KLF8: variants seen among roughly 807,000 people sequenced by gnomAD.
KLF8 encodes Krueppel-like factor 8.
KLF8 carries 10 observed loss-of-function variants against 18.2 expected under a neutral mutation model. The observed-to-expected ratio is 0.55, with a 90% CI of 0.34 to 0.93. KLF8 has a LOEUF of 0.93. KLF8 is among the 40% of genes least tolerant of loss of function. The pLI is 0.02. For synonymous variants in KLF8, 109 were observed against 97.3 expected (o/e 1.12, Z -0.71); for missense variants, 264 against 277.9 (o/e 0.95, Z 0.36).
At chrX:55,911,656 G>A in the KLF8 span, among the ~76,000 whole-genome samples, 1 of 111,742 alleles carries the variant, frequency 8.9e-6, no homozygotes, top group Non-Finnish European at 1.9e-5. Context: ...GAAGGGAATT[G>A]AGAGAAAGAA....
chrX:55,975,222 TGGAGCAG>T, the KLF8 span, among the ~76,000 whole-genome samples: 1 of 110,972 alleles, frequency 9.0e-6, no homozygotes, highest in East Asian at 2.8e-4. Flanking sequence ...GACAAAAGTT[TGGAGCAG>T]GGATAGTGTT....
At position 56,287,071 on chromosome X, in the gene KLF8, T is replaced by C. The variant is rs1334722615; in HGVS notation, c.*2577T>C. 8.9e-6 allele frequency: 1 copy of C among 112,061 alleles called. No homozygotes were observed. The highest frequency in any genetic ancestry group is 3.2e-5 in the African/African-American group (1 of 30,825). The allele number at this position is 112,061 out of a possible 1,213,427, so 9.2% of individuals were successfully genotyped here. ...CTTTTGCATTGAGACATATGATCTA[T>C]TTATAAATAAAGGTTATCAAATATC... On this transcript the variant is annotated 3_prime_UTR_variant, in exon 6 of 6. Coordinates refer to ENST00000468660, the MANE Select transcript of KLF8 (RefSeq NM_007250.5).
chrX:56,113,289 A>C, the KLF8 span, among the ~76,000 whole-genome samples: 1 of 108,127 alleles, frequency 9.2e-6, no homozygotes, highest in Admixed American at 9.9e-5. Flanking sequence ...TCCTGTAAAT[A>C]GGCCATACTT....
chrX:56,257,279 G>A (rs1477259241), intron 2 of KLF8, among the ~76,000 whole-genome samples: 2 of 111,340 alleles, frequency 1.8e-5, no homozygotes, highest in Non-Finnish European at 3.8e-5. Context: ...GTATTCTTCG[G>A]CCATTGGATG....
In KLF8 at chrX:56,291,413, C is replaced by G. The variant is rs1469770072; in HGVS notation, c.*6919C>G. Among the ~76,000 whole-genome samples, 1 of 111,806 alleles carries G rather than the reference C, an allele frequency of 8.9e-6. No homozygotes were observed. ...ATGGCCACTTAGAGATTACTCTGTT[C>G]TACTTCAGAGACCCTCCACTATGGC... On this transcript the variant is annotated 3_prime_UTR_variant, in exon 6 of 6. Coordinates refer to ENST00000468660, the MANE Select transcript of KLF8 (RefSeq NM_007250.5).
chrX:56,083,244 T>C, the KLF8 span, among the ~76,000 whole-genome samples: 1 of 112,230 alleles, frequency 8.9e-6, no homozygotes, highest in Admixed American at 9.5e-5. Flanking sequence ...TATGTAAACA[T>C]TTTAACAAGT....
chrX:56,278,807 T>C (rs1174600056), intron 5 of KLF8, among the ~76,000 whole-genome samples: 1 of 111,935 alleles, frequency 8.9e-6, no homozygotes. Context: ...CTCATAGTGG[T>C]GAGTCTTCCC....
chrX:56,258,982 C>T (rs1336678944), intron 2 of KLF8, among the ~76,000 whole-genome samples: 1 of 111,468 alleles, frequency 9.0e-6, no homozygotes, highest in Non-Finnish European at 1.9e-5. Flanking sequence ...ATGCTGCTCT[C>T]CCTTCTCTAA....
At chrX:55,983,564 A>G in the KLF8 span, among the ~76,000 whole-genome samples, 9 of 112,093 alleles carry the variant, frequency 8.0e-5, no homozygotes, top group Non-Finnish European at 1.7e-4. Context: ...ACTTTACTCC[A>G]ATTATTTAGA....
the KLF8 span, among the ~76,000 whole-genome samples, chrX:56,037,291 T>C: frequency 2.7e-5 from 3 of 111,782 alleles, no homozygotes; most frequent in African/African-American, 9.7e-5. Flanking sequence ...TATTATCTTT[T>C]TCATTTGTTG....
the KLF8 span, among the ~76,000 whole-genome samples, chrX:55,975,465 T>A: frequency 9.0e-6 from 1 of 111,368 alleles, no homozygotes; most frequent in Non-Finnish European, 1.9e-5. Context: ...ACTTTGGGAC[T>A]TTTACTAAAG....
At chrX:56,152,996 C>G in the KLF8 span, among the ~76,000 whole-genome samples, 7 of 111,708 alleles carry the variant, frequency 6.3e-5, no homozygotes, top group African/African-American at 2.3e-4. Flanking sequence ...ACCTTTCATA[C>G]TTTTAAAAAT....
At chrX:56,159,984 G>T in the KLF8 span, among the ~76,000 whole-genome samples, 46 of 111,640 alleles carry the variant, frequency 4.1e-4, no homozygotes, top group African/African-American at 1.5e-3. Flanking sequence ...TGATATTAGG[G>T]TGTCAGTTTC....
chrX:56,164,581 T>G, the KLF8 span, among the ~76,000 whole-genome samples: 1 of 95,551 alleles, frequency 1.0e-5, no homozygotes, highest in Admixed American at 1.2e-4. Flanking sequence ...TTTTTCCAGT[T>G]TTTTTTTTTA....
chrX:56,244,663 A>G (rs2066598311), intron 1 of KLF8, among the ~76,000 whole-genome samples: 1 of 112,284 alleles, frequency 8.9e-6, no homozygotes, highest in Non-Finnish European at 1.9e-5. Context: ...TCCATTATTA[A>G]TGTCATGCTG....
chrX:56,144,916 C>A, the KLF8 span, among the ~76,000 whole-genome samples: 3 of 107,145 alleles, frequency 2.8e-5, no homozygotes, highest in Non-Finnish European at 5.8e-5. Context: ...CCTTAGCCTC[C>A]CGAGTAGCTG....
At chrX:56,104,544 G>C in the KLF8 span, among the ~76,000 whole-genome samples, 1 of 111,575 alleles carries the variant, frequency 9.0e-6, no homozygotes, top group Non-Finnish European at 1.9e-5. Context: ...TTGTATTTCT[G>C]TGGGATCGGT....
In KLF8 at chrX:56,268,876, G is replaced by A. The variant is rs182195345; in HGVS notation, c.647-502G>A. 87 of 912,965 alleles carry A rather than the reference G, an allele frequency of 9.5e-5. No individual in the cohort carries two copies. In the African/African-American group the frequency reaches 1.6e-3, roughly 17 times the overall value. The allele number at this position is 912,965 out of a possible 1,213,427, so 75.2% of individuals were successfully genotyped here. A position where few individuals can be genotyped will look rare whatever the true frequency, so the allele number is the denominator to read the frequency against. On this transcript the variant is annotated intron_variant, in intron 3 of 5. Coordinates refer to ENST00000468660, the MANE Select transcript of KLF8 (RefSeq NM_007250.5). ...TGTATCAAGCACCTACTAGGTGGTA[G>A]GTATACGTTTCATCTCATTGACTTA...
At chrX:56,092,263 T>C in the KLF8 span, among the ~76,000 whole-genome samples, 2 of 112,019 alleles carry the variant, frequency 1.8e-5, no homozygotes, top group African/African-American at 6.5e-5. Flanking sequence ...TTCCATTCTG[T>C]AGATTTTCTG....
Sources: allele counts gnomAD v4.1 joint callset (sites outside exome capture counted in the v4.1 genomes callset), GRCh38; gene constraint gnomAD v4.1.1; transcripts MANE v1.5; gene names NCBI Gene and HGNC (gene_info 2026-07-23, HGNC 2026-07-21).